Variants in PRMT8 observed in about 807,000 individuals in gnomAD.
PRMT8 encodes protein arginine N-methyltransferase 8.
PRMT8 carries 7 observed loss-of-function variants against 47.1 expected under a neutral mutation model. That is an observed-to-expected ratio of 0.15 (90% confidence interval 0.08 to 0.28). The LOEUF (loss-of-function observed/expected upper bound fraction) is 0.28. Among genes scored for constraint, PRMT8 ranks in the 10% least tolerant of loss-of-function variants. PRMT8 has a pLI of 1.00. For synonymous variants in PRMT8, 188 were observed against 186.5 expected, an observed-to-expected ratio of 1.01 and a Z score of -0.07; for missense variants, 237 against 505.4, an observed-to-expected ratio of 0.47 and a Z score of 5.09.
rs1306397028 is a variant in PRMT8 at position 3,557,169 on chromosome 12, G to A, written c.481+3455G>A. ...GATTGCTGCGATGTGTCTGATGCCT[G>A]TAGAGATGTGTGACCATAGAGGCTC... On this transcript the variant is annotated intron_variant, in intron 4 of 9. Coordinates refer to ENST00000382622, the MANE Select transcript of PRMT8 (RefSeq NM_019854.5). This position sits in a 1 kb window ranked among gnomAD's most constrained non-coding sequence, Gnocchi z 4.7. 6.6e-6 allele frequency among the ~76,000 whole-genome samples: 1 copy of A among 152,184 alleles called. No individual in the cohort carries two copies. The highest frequency in any genetic ancestry group is 1.5e-5 in the Non-Finnish European group (1 of 68,026).
intron 1 of PRMT8, among the ~76,000 whole-genome samples, chr12:3,386,968 A>G (rs369096580): frequency 6.6e-6 from 1 of 151,766 alleles, no homozygotes; most frequent in East Asian, 1.9e-4. Context: ...TTGGCCTCCC[A>G]AAGTGCTGGG....
chr12:3,498,201 A>G (rs571353511), intron 1 of PRMT8, among the ~76,000 whole-genome samples: 119 of 152,368 alleles, frequency 7.8e-4, no homozygotes, highest in Non-Finnish European at 1.3e-3. Context: ...AAACTGAAGC[A>G]CAGAGAGTTA....
At chr12:3,586,924 G>A (rs1461282650) in intron 8 of PRMT8, among the ~76,000 whole-genome samples, 1 of 152,214 alleles carries the variant, frequency 6.6e-6, no homozygotes, top group Non-Finnish European at 1.5e-5. Flanking sequence ...ACTTTGTTGA[G>A]TTGCTTTCTC....
At chr12:3,417,793 G>A (rs1235661840) in intron 1 of PRMT8, among the ~76,000 whole-genome samples, 1 of 152,188 alleles carries the variant, frequency 6.6e-6, no homozygotes, top group Non-Finnish European at 1.5e-5. Flanking sequence ...GAAGAGAAGA[G>A]ATGAAGAAGA....
intron 1 of PRMT8, among the ~76,000 whole-genome samples, chr12:3,511,644 C>T (rs985195103): frequency 6.6e-6 from 1 of 152,242 alleles, no homozygotes; most frequent in East Asian, 1.9e-4. Flanking sequence ...GCTCACTATC[C>T]AAGTGGCAGC....
intron 1 of PRMT8, among the ~76,000 whole-genome samples, chr12:3,534,137 G>A (rs930469188): frequency 1.3e-5 from 2 of 152,258 alleles, no homozygotes; most frequent in East Asian, 3.9e-4. Flanking sequence ...CTCCCACTGC[G>A]ATCCTCTTTC....
At chr12:3,397,346 C>T (rs1864262554) in intron 1 of PRMT8, among the ~76,000 whole-genome samples, 1 of 151,682 alleles carries the variant, frequency 6.6e-6, no homozygotes, top group Middle Eastern at 3.2e-3. Flanking sequence ...GTGGTTTTAT[C>T]TACTTTTGGT....
Position 3,410,053 on chromosome 12 carries a change from AT to A in PRMT8, c.48+28614del, listed in dbSNP as rs564418480. ...ATATACCTTCAAGTTTTCCAAATGA[AT>A]TTCTGGAATGTTCACCAAGACTCTT... On this transcript the variant is annotated intron_variant, in intron 1 of 9. Transcript: ENST00000452611. Among the ~76,000 whole-genome samples the A allele has an allele frequency of 1.1e-3, 166 of 152,244 alleles. 2 individuals are homozygous for A. In the South Asian group the frequency reaches 0.019, roughly 17 times the overall value.
At chr12:3,496,236 T>TGAA (rs1865509180) in intron 1 of PRMT8, among the ~76,000 whole-genome samples, 1 of 98,786 alleles carries the variant, frequency 1.0e-5, no homozygotes, top group African/African-American at 3.9e-5. Context: ...TTTTTTTTTT[T>TGAA]TTTTGAATGT....
rs990769860 is a variant in PRMT8 at position 3,436,895 on chromosome 12, C to T, written c.48+55453C>T. Among the ~76,000 whole-genome samples, 5 of 152,228 alleles carry T rather than the reference C, an allele frequency of 3.3e-5. No homozygotes were observed. Among genetic ancestry groups the T allele is most frequent in the Admixed American group, 3.3e-4 (5 of 15,290 alleles). On this transcript the variant is annotated intron_variant, in intron 1 of 9. Coordinates refer to the PRMT8 transcript ENST00000452611. This position sits in a 1 kb window ranked among gnomAD's most constrained non-coding sequence, Gnocchi z 4.2. ...CATTCCTGCTTCTGGGCAGCCTGCCCAGCTGGTGGGGTGTCCCAGTGGATG... is the reference window on the plus strand; with the variant it reads ...CATTCCTGCTTCTGGGCAGCCTGCCTAGCTGGTGGGGTGTCCCAGTGGATG...
At chr12:3,442,920 G>A (rs1864818887) in intron 1 of PRMT8, among the ~76,000 whole-genome samples, 1 of 152,106 alleles carries the variant, frequency 6.6e-6, no homozygotes, top group African/African-American at 2.4e-5. Context: ...GCCTCCCAAA[G>A]TGCTGGGATT....
chr12:3,477,059 G>A (rs929706669), intron 1 of PRMT8, among the ~76,000 whole-genome samples: 2 of 152,220 alleles, frequency 1.3e-5, no homozygotes, highest in Non-Finnish European at 2.9e-5. Context: ...TCATTGTGAT[G>A]GGAATGAGGA....
At position 3,423,947 on chromosome 12, in the gene PRMT8, C is replaced by T. The variant is rs183046342; in HGVS notation, c.48+42505C>T. Among the ~76,000 whole-genome samples, 850 of 152,188 alleles carry T rather than the reference C, an allele frequency of 5.6e-3. 26 individuals carry two copies. Among genetic ancestry groups the T allele is most frequent in the African/African-American group, 1.2e-3 (51 of 41,536 alleles). Reference sequence around the variant, plus strand: ...GGGTGATTTTTTTGAGCCGGGAATTCGTCAGGAACTGGGTCTGTAGGTACT... The same window carrying T: ...GGGTGATTTTTTTGAGCCGGGAATTTGTCAGGAACTGGGTCTGTAGGTACT... On this transcript the variant is annotated intron_variant, in intron 1 of 9. Coordinates refer to the PRMT8 transcript ENST00000452611.
chr12:3,556,837 G>C (rs1487824408), intron 4 of PRMT8, among the ~76,000 whole-genome samples: 2 of 151,716 alleles, frequency 1.3e-5, no homozygotes, highest in South Asian at 4.1e-4. Flanking sequence ...GTGGAGGGGT[G>C]GTCTTTGCCT....
chr12:3,589,476 G>T (rs951343115), intron 8 of PRMT8, among the ~76,000 whole-genome samples: 1 of 152,186 alleles, frequency 6.6e-6, no homozygotes, highest in Non-Finnish European at 1.5e-5. Context: ...TCCCAAAGGA[G>T]GTCAGGAGAT....
chr12:3,396,502 G>A (rs955308287), intron 1 of PRMT8, among the ~76,000 whole-genome samples: 1 of 152,158 alleles, frequency 6.6e-6, no homozygotes, highest in Non-Finnish European at 1.5e-5. Flanking sequence ...GAAATTCTGG[G>A]TTGAAAATTC....
rs1341400593 is a variant in PRMT8 at position 3,491,472 on chromosome 12, C to T, written c.-154C>T. The T allele has an allele frequency of 2.1e-6, 3 of 1,436,650 alleles. No individual in the cohort carries two copies. The highest frequency in any genetic ancestry group is 2.7e-6 in the Non-Finnish European group (3 of 1,098,774). 89.0% of individuals were successfully genotyped at this position (1,436,650 alleles called of 1,614,324 possible). ...AAGAAAGTGGAGACTGCAGAACAGA[C>T]TCCGCTGTGGCTGACTGTGCCGGCC... is the stretch of plus-strand genomic sequence containing the variant. On this transcript the variant is annotated 5_prime_UTR_variant, in exon 1 of 10. Transcript: ENST00000382622.
At chr12:3,488,654 A>C (rs1865344184), upstream of PRMT8, among the ~76,000 whole-genome samples, 2 of 152,242 alleles carry the variant, frequency 1.3e-5, no homozygotes, top group African/African-American at 2.4e-5. Flanking sequence ...CTGGGCATTT[A>C]AGAGATGCCT....
At chr12:3,458,190 A>G (rs1864997272) in intron 1 of PRMT8, among the ~76,000 whole-genome samples, 1 of 152,188 alleles carries the variant, frequency 6.6e-6, no homozygotes, top group African/African-American at 2.4e-5. Flanking sequence ...TGTATCCTCC[A>G]ACTTACTGGG....
Sources: allele counts gnomAD v4.1 joint callset (sites outside exome capture counted in the v4.1 genomes callset), GRCh38; gene constraint gnomAD v4.1.1; non-coding constraint Gnocchi (gnomAD v3.1); transcripts MANE v1.5; gene names NCBI Gene and HGNC (gene_info 2026-07-23, HGNC 2026-07-21).